MEGF11: variants seen among roughly 807,000 people sequenced by gnomAD.
The protein encoded by MEGF11 is multiple epidermal growth factor-like domains protein 11.
A neutral mutation model predicts 146.6 loss-of-function variants in MEGF11; 126 were observed. That is an observed-to-expected ratio of 0.86 (90% confidence interval 0.74 to 1.00). The LOEUF (loss-of-function observed/expected upper bound fraction) is 1.00, where lower values mean the gene tolerates loss of function less well. Ranked by LOEUF, MEGF11 falls within the 50% of genes least tolerant of loss-of-function variation. The probability of loss-of-function intolerance (pLI) is 0.00; values close to 1 mark genes in which losing one functional copy is unlikely to be tolerated. For synonymous variants in MEGF11, 532 were observed against 583.4 expected (o/e 0.91, Z 1.27); for missense variants, 1,509 against 1,521.2 (o/e 0.99, Z 0.13).
At chr15:66,158,470 C>T (rs2089842727) in intron 1 of MEGF11, among the ~76,000 whole-genome samples, 1 of 152,260 alleles carries the variant, frequency 6.6e-6, no homozygotes, top group Admixed American at 6.5e-5. Flanking sequence ...GGGAACAGAG[C>T]TGGTGGTGCC....
intron 1 of MEGF11, among the ~76,000 whole-genome samples, chr15:66,162,069 C>A (rs1316252935): frequency 6.6e-6 from 1 of 152,162 alleles, no homozygotes; most frequent in East Asian, 1.9e-4. Flanking sequence ...TCCTATGACA[C>A]ACTTGCTGCC....
intron 1 of MEGF11, among the ~76,000 whole-genome samples, chr15:66,217,427 G>A (rs1031535932): frequency 2.0e-5 from 3 of 152,238 alleles, no homozygotes; most frequent in African/African-American, 7.2e-5. Flanking sequence ...GGACAGCTAT[G>A]CAGCTGAGGC....
At chr15:65,928,727 G>A (rs548789813) in intron 12 of MEGF11, among the ~76,000 whole-genome samples, 200 bp from the exon 13 acceptor site, 4 of 152,040 alleles carry the variant, frequency 2.6e-5, no homozygotes, top group African/African-American at 9.7e-5. Flanking sequence ...TTTTGTAAGT[G>A]GGGATAACAC....
chr15:65,946,783 A>G (rs2141412228), intron 10 of MEGF11, among the ~76,000 whole-genome samples: 1 of 152,278 alleles, frequency 6.6e-6, no homozygotes, highest in South Asian at 2.1e-4. Context: ...ACCCTGCTCG[A>G]GACGGCAGTG....
At chr15:66,190,174 C>T (rs762237531) in intron 1 of MEGF11, among the ~76,000 whole-genome samples, 56 of 152,298 alleles carry the variant, frequency 3.7e-4, no homozygotes, top group Middle Eastern at 6.8e-3. Flanking sequence ...AGGACTTCTG[C>T]GCTAATCTGT....
intron 10 of MEGF11, among the ~76,000 whole-genome samples, chr15:65,955,793 T>TACACACACACACACACAC (rs67353441): frequency 1.5e-4 from 1 of 6,780 alleles, no homozygotes; most frequent in African/African-American, 3.2e-4. Flanking sequence ...TATATATATA[T>TACACACACACACACACAC]ACACACACAC....
At chr15:66,116,258 G>A (rs1292582717) in intron 4 of MEGF11, among the ~76,000 whole-genome samples, 2 of 152,138 alleles carry the variant, frequency 1.3e-5, no homozygotes, top group African/African-American at 4.8e-5. Context: ...TCTCTGGGCT[G>A]TTATGGAATG....
intron 10 of MEGF11, among the ~76,000 whole-genome samples, chr15:65,954,542 A>C (rs1204481804): frequency 6.6e-6 from 1 of 152,166 alleles, no homozygotes; most frequent in Non-Finnish European, 1.5e-5. Flanking sequence ...TTCCAGGAAT[A>C]ACGAGGCTGG....
intron 5 of MEGF11, among the ~76,000 whole-genome samples, chr15:66,045,918 C>A (rs1479860078): frequency 6.6e-6 from 1 of 152,076 alleles, no homozygotes; most frequent in African/African-American, 2.4e-5. Context: ...GCCTGGCCAA[C>A]ATGGTGAAAT....
At chr15:66,231,183 G>C (rs1376472965) in intron 1 of MEGF11, among the ~76,000 whole-genome samples, 1 of 151,858 alleles carries the variant, frequency 6.6e-6, no homozygotes, top group Non-Finnish European at 1.5e-5. Flanking sequence ...AATGCAGGCT[G>C]CAACAGACCT....
chr15:65,921,559 G>C (rs1193302972), intron 15 of MEGF11: 1 of 152,278 alleles, frequency 6.6e-6, no homozygotes, highest in Non-Finnish European at 1.5e-5. Context: ...AATCCACACT[G>C]TCTTGTCCTA....
At chr15:66,086,247 A>G (rs1226702478) in intron 5 of MEGF11, among the ~76,000 whole-genome samples, 1 of 152,254 alleles carries the variant, frequency 6.6e-6, no homozygotes, top group Non-Finnish European at 1.5e-5. Context: ...TGGGGGAATT[A>G]TCAACAAAAA....
rs80189360 is a variant in MEGF11 at position 66,068,210 on chromosome 15, C to T, written c.394+26192G>A. Reference sequence around the variant, plus strand: ...GGCAGGGATCCTGTCCTGTGCACTGCCTGGTGCATAGTAGGTACCTGATAT... The same window carrying T: ...GGCAGGGATCCTGTCCTGTGCACTGTCTGGTGCATAGTAGGTACCTGATAT... On this transcript the variant is annotated intron_variant, in intron 5 of 25. Coordinates refer to ENST00000395614, the MANE Select transcript of MEGF11 (RefSeq NM_001385028.1). Among the ~76,000 whole-genome samples, 778 of 152,252 alleles carry T rather than the reference C, an allele frequency of 5.1e-3. 7 individuals are homozygous for T. The highest frequency in any genetic ancestry group is 0.018 in the African/African-American group (754 of 41,530).
rs991930302 is a variant in MEGF11 at position 65,895,604 on chromosome 15, A to C, written c.*2330T>G. On this transcript the variant is annotated 3_prime_UTR_variant, in exon 26 of 26. Transcript: ENST00000395614. Reference sequence around the variant, plus strand: ...CAGAAGTTTCTAACAGTTGCTTTGTAAGATTGAAATGTCTTTTACTGATAA... The same window carrying C: ...CAGAAGTTTCTAACAGTTGCTTTGTCAGATTGAAATGTCTTTTACTGATAA... 1 of 152,636 alleles carries C rather than the reference A, an allele frequency of 6.6e-6. No homozygotes were observed. Among genetic ancestry groups the C allele is most frequent in the Non-Finnish European group, 1.5e-5 (1 of 68,036 alleles). 9.5% of individuals were successfully genotyped at this position (152,636 alleles called of 1,614,324 possible).
rs778357797 is a variant in MEGF11 at position 65,918,093 on chromosome 15, CACTG to C, written c.1958-3_1958del. The C allele has an allele frequency of 6.2e-7, 1 of 1,613,810 alleles. No homozygotes were observed. The highest frequency in any genetic ancestry group is 2.2e-5 in the East Asian group (1 of 44,886). Reference sequence around the variant, plus strand: ...CCTGCCCAAAGTATCCTCCAGCACACACTGTGGGCACAGGGCAGCCTGGCACCCA... The same window carrying C: ...CCTGCCCAAAGTATCCTCCAGCACACTGGGCACAGGGCAGCCTGGCACCCA... On this transcript the variant is annotated splice_acceptor_variant and splice_polypyrimidine_tract_variant and coding_sequence_variant and intron_variant, in exon 16 of 26. Coordinates refer to ENST00000395614, the MANE Select transcript of MEGF11 (RefSeq NM_001385028.1). LOFTEE classifies it high-confidence loss of function.
At chr15:66,244,956 A>G (rs2092273490) in intron 1 of MEGF11, among the ~76,000 whole-genome samples, 1 of 152,160 alleles carries the variant, frequency 6.6e-6, no homozygotes, top group Non-Finnish European at 1.5e-5. Flanking sequence ...CAATAAACAC[A>G]CCAATAAAAT....
At chr15:66,088,531 A>G (rs539118383) in intron 5 of MEGF11, among the ~76,000 whole-genome samples, 3 of 152,206 alleles carry the variant, frequency 2.0e-5, no homozygotes, top group Non-Finnish European at 4.4e-5. Context: ...ATGCACCTGC[A>G]ATCCCAGCTA....
rs1392521003 is a variant in MEGF11 at position 66,240,269 on chromosome 15, C to A, written c.-9+13336G>T. 3.3e-5 allele frequency among the ~76,000 whole-genome samples: 5 copies of A among 152,322 alleles called. No individual in the cohort carries two copies. The East Asian group carries it at 9.6e-4, about 29-fold the overall frequency. ...CTTTGAGAAGATGAGATCTTGCCAACCCTGGAACCAGGGGAGAGTGGGGGC... is the reference window on the plus strand; with the variant it reads ...CTTTGAGAAGATGAGATCTTGCCAAACCTGGAACCAGGGGAGAGTGGGGGC... On this transcript the variant is annotated intron_variant, in intron 1 of 25. Transcript: ENST00000395614.
chr15:65,933,514 C>T (rs973107574), intron 10 of MEGF11, among the ~76,000 whole-genome samples: 2 of 152,192 alleles, frequency 1.3e-5, no homozygotes, highest in African/African-American at 2.4e-5. Flanking sequence ...AAGCCAAGCT[C>T]GACACATCTG....
Sources: gnomAD v4.1 joint callset for allele counts (sites outside exome capture counted in the v4.1 genomes callset) on GRCh38, gnomAD v4.1.1 for gene constraint, MANE v1.5 for transcripts, NCBI Gene and HGNC (gene_info 2026-07-23, HGNC 2026-07-21) for gene names.